ARMC8: variants seen among roughly 807,000 people sequenced by gnomAD.
ARMC8 encodes the protein armadillo repeat-containing protein 8.
ARMC8 carries 20 observed loss-of-function variants against 99.3 expected under a neutral mutation model. The observed-to-expected ratio is 0.20, with a 90% confidence interval of 0.14 to 0.29. The LOEUF (loss-of-function observed/expected upper bound fraction) is 0.29. ARMC8 is among the 10% of genes least tolerant of loss of function. ARMC8 has a pLI of 1.00. For missense variants in ARMC8, 569 were observed against 809.5 expected, an observed-to-expected ratio of 0.70 and a Z score of 3.60; for synonymous variants, 263 against 278.3, an observed-to-expected ratio of 0.95 and a Z score of 0.55.
chr3:138,260,223 C>T (rs2047630449), intron 12 of ARMC8, among the ~76,000 whole-genome samples: 1 of 152,210 alleles, frequency 6.6e-6, no homozygotes, highest in Non-Finnish European at 1.5e-5. Context: ...GAACCATTCT[C>T]CAGCCTCTCC....
rs1454867825 is a variant in ARMC8 at position 138,296,443 on chromosome 3, TGTTCCATAAAG to T, written c.*555_*565del. 3 of 152,164 alleles carry T rather than the reference TGTTCCATAAAG, an allele frequency of 2.0e-5. No homozygotes were observed. Among genetic ancestry groups the T allele is most frequent in the African/African-American group, 7.2e-5 (3 of 41,444 alleles). The allele number at this position is 152,164 out of a possible 1,614,324, so 9.4% of individuals were successfully genotyped here. A position where few individuals can be genotyped will look rare whatever the true frequency, so the allele number is the denominator to read the frequency against. ...TTTTAAAAACAAAACAATTGTTAAG[TGTTCCATAAAG>T]GTTATGTTGAATTTTGGTCAGATGA... On this transcript the variant is annotated 3_prime_UTR_variant, in exon 22 of 22. Transcript: ENST00000469044.
Position 138,273,069 on chromosome 3 carries a change from C to T in ARMC8, c.1582C>T (p.Leu528=). The change falls in exon 17 of 22, where the codon CTG becomes TTG. Residue 528 remains leucine (L), a synonymous_variant. Coordinates refer to ENST00000469044, the MANE Select transcript of ARMC8 (RefSeq NM_001363941.2). ...ATTATCAGATTCAGATTTGAATGTG[C>T]TGATGAAGACATTGGGACTTCTTAG... The part of the protein sequence containing the change: ...RLLSDSDLNV[L]MKTLGLLRNL... 1 of 1,613,206 alleles carries T rather than the reference C, an allele frequency of 6.2e-7. No homozygotes were observed. Among genetic ancestry groups the T allele is most frequent in the South Asian group, 1.1e-5 (1 of 90,874 alleles).
At position 138,237,363 on chromosome 3, in the gene ARMC8, G is replaced by A. The variant is rs373520831; in HGVS notation, c.664G>A (p.Val222Ile). 2.9e-5 allele frequency: 46 copies of A among 1,613,542 alleles called. No homozygotes were observed. Among genetic ancestry groups the A allele is most frequent in the Non-Finnish European group, 3.6e-5 (42 of 1,179,842 alleles). Residue 222 changes from valine to isoleucine, a missense_variant, in exon 8 of 22, where the codon GTA becomes ATA. Val to Ile is a conservative substitution (Grantham distance 29). Coordinates refer to ENST00000469044, the MANE Select transcript of ARMC8 (RefSeq NM_001363941.2). ...AGTTTTAGCTTTTGAAAACCCCCAG[G>A]TATCGATGACCCTGGTAAATGGTAG... is the stretch of plus-strand genomic sequence containing the variant. The part of the protein sequence containing the change: ...FSVLAFENPQ[V>I]SMTLVNVLVD...
Position 138,274,530 on chromosome 3 carries a change from G to C in ARMC8, c.1711G>C (p.Glu571Gln). The stretch of plus-strand genomic sequence containing the variant: ...TATTCTAGAAGGGGAACATAACATT[G>C]AGGTCAAAGAGCAGGTACGTTGTTC... ...TLILEGEHNI[E>Q]VKEQTLCILA... Residue 571 changes from glutamate (E) to glutamine (Q), a missense_variant, in exon 18 of 22, where the codon GAG becomes CAG. Around this residue, in one of 2 missense-constraint regions of ARMC8, gnomAD observed 227 missense variants for 417.9 expected, o/e 0.54. Transcript: ENST00000469044. 1 of 1,612,190 alleles carries C rather than the reference G, an allele frequency of 6.2e-7. No homozygotes were observed. The highest frequency in any genetic ancestry group is 2.2e-5 in the East Asian group (1 of 44,860).
At chr3:138,219,753 C>T (rs1012860426) in intron 2 of ARMC8, among the ~76,000 whole-genome samples, 21 of 152,078 alleles carry the variant, frequency 1.4e-4, no homozygotes, top group African/African-American at 5.1e-4. Context: ...AGACATTGTT[C>T]CATTGTATTG....
chr3:138,269,824 T>C lies in ARMC8; in HGVS notation c.1387-216T>C, dbSNP rs561628998. Among the ~76,000 whole-genome samples, 243 of 150,422 alleles carry C rather than the reference T, an allele frequency of 1.6e-3. 1 individual carries two copies. The highest frequency in any genetic ancestry group is 5.2e-3 in the African/African-American group (213 of 41,200). ...TGGTTTGGTTTTGTTTTCTTTCTTT[T>C]TTTTTTTTTTTTTTGGCTTTTCGGA... is the stretch of plus-strand genomic sequence containing the variant. On this transcript the variant is annotated intron_variant, in intron 15 of 21. Coordinates refer to ENST00000469044, the MANE Select transcript of ARMC8 (RefSeq NM_001363941.2).
rs532177303 is a variant in ARMC8, at chr3:138,243,520, T to C, written c.1038+1537T>C. The stretch of plus-strand genomic sequence containing the variant: ...TTAAGACTTTAAGAGTAGATACTTT[T>C]AGAACTTATCAAAGTGAGTATTCTG... On this transcript the variant is annotated intron_variant, in intron 11 of 21. Coordinates refer to ENST00000469044, the MANE Select transcript of ARMC8 (RefSeq NM_001363941.2). 2.6e-5 allele frequency among the ~76,000 whole-genome samples: 4 copies of C among 152,332 alleles called. No individual in the cohort carries two copies. The East Asian group carries it at 5.8e-4, about 22-fold the overall frequency.
intron 9 of ARMC8, chr3:138,239,014 T>C (rs1446669139): frequency 6.3e-6 from 1 of 157,876 alleles, no homozygotes; most frequent in Non-Finnish European, 1.4e-5. Context: ...GTGTTACAAG[T>C]TAAATGCCTC....
chr3:138,225,274 C>G (rs1163154961), intron 5 of ARMC8, among the ~76,000 whole-genome samples: 1 of 152,078 alleles, frequency 6.6e-6, no homozygotes, highest in Non-Finnish European at 1.5e-5. Context: ...CCACGCCCAG[C>G]TGATTTTTGT....
intron 18 of ARMC8, among the ~76,000 whole-genome samples, chr3:138,275,214 T>C (rs1320760100): frequency 1.3e-5 from 2 of 152,242 alleles, no homozygotes; most frequent in African/African-American, 4.8e-5. Context: ...ACTGGCGATC[T>C]TCAGTTTTTT....
At chr3:138,241,436 T>C (rs2046615648) in intron 10 of ARMC8, among the ~76,000 whole-genome samples, 1 of 152,178 alleles carries the variant, frequency 6.6e-6, no homozygotes, top group African/African-American at 2.4e-5. Context: ...AATAAATAGA[T>C]AGATAGGGCA....
chr3:138,251,127 A>G (rs978281407), intron 12 of ARMC8, among the ~76,000 whole-genome samples: 1 of 151,520 alleles, frequency 6.6e-6, no homozygotes, highest in Middle Eastern at 3.4e-3. Context: ...CCACTGTACT[A>G]CTGCACTACA....
chr3:138,233,095 A>G (rs1576702660), intron 6 of ARMC8, among the ~76,000 whole-genome samples: 1 of 152,204 alleles, frequency 6.6e-6, no homozygotes, highest in South Asian at 2.1e-4. Flanking sequence ...AGTCTTCACC[A>G]CTGTGTTTAT....
At chr3:138,220,787 T>G (rs961343879) in intron 2 of ARMC8, among the ~76,000 whole-genome samples, 3 of 151,596 alleles carry the variant, frequency 2.0e-5, no homozygotes, top group Non-Finnish European at 4.4e-5. Flanking sequence ...CCTCCCCAGC[T>G]GAAGTGATCC....
At chr3:138,288,241 A>C (rs924652830) in intron 19 of ARMC8, among the ~76,000 whole-genome samples, 2 of 152,192 alleles carry the variant, frequency 1.3e-5, no homozygotes, top group African/African-American at 4.8e-5. Context: ...CCATATATTC[A>C]CTTTCTTCCC....
At chr3:138,204,738 A>G (rs956584533) in intron 1 of ARMC8, among the ~76,000 whole-genome samples, 1 of 152,100 alleles carries the variant, frequency 6.6e-6, no homozygotes, top group African/African-American at 2.4e-5. Context: ...GACATCCTGG[A>G]TTTCTTCACT....
At chr3:138,287,319 C>G (rs1350228046) in intron 19 of ARMC8, among the ~76,000 whole-genome samples, 1 of 152,082 alleles carries the variant, frequency 6.6e-6, no homozygotes, top group African/African-American at 2.4e-5. Flanking sequence ...ACTTTTTCTC[C>G]TGCTTGGAAT....
At chr3:138,198,482 A>G (rs2043862612) in intron 1 of ARMC8, among the ~76,000 whole-genome samples, 1 of 141,604 alleles carries the variant, frequency 7.1e-6, no homozygotes, top group African/African-American at 2.6e-5. Context: ...ATAGCCTTAT[A>G]TTGTATATTC....
intron 14 of ARMC8, among the ~76,000 whole-genome samples, chr3:138,265,769 G>A (rs148776839): frequency 7.9e-5 from 12 of 152,320 alleles, no homozygotes; most frequent in African/African-American, 2.4e-4. Flanking sequence ...AGGTAAGGAC[G>A]AAGTGGAAGA....
Sources: gnomAD v4.1 joint callset for allele counts (sites outside exome capture counted in the v4.1 genomes callset) on GRCh38, gnomAD v4.1.1 for gene constraint, gnomAD v4.1.1 regional missense constraint, MANE v1.5 for transcripts, NCBI Gene and HGNC (gene_info 2026-07-23, HGNC 2026-07-21) for gene names.